The following PTPRO variants were observed in gnomAD, a reference collection of about 807,000 sequenced individuals.
The protein encoded by PTPRO is protein tyrosine phosphatase receptor type O.
PTPRO carries 62 observed loss-of-function variants against 145.2 expected under a neutral mutation model. That is an observed-to-expected ratio of 0.43 (90% CI 0.35 to 0.53). PTPRO has a LOEUF of 0.53. PTPRO is among the 20% of genes least tolerant of loss of function. PTPRO has a pLI of 0.01. For missense variants in PTPRO, 1,345 were observed against 1,482.7 expected (o/e 0.91, Z 1.53); for synonymous variants, 565 against 514.7 (o/e 1.10, Z -1.32).
At chr12:15,481,103 A>G (rs1427922056) in intron 1 of PTPRO, among the ~76,000 whole-genome samples, 1 of 152,196 alleles carries the variant, frequency 6.6e-6, no homozygotes, top group Non-Finnish European at 1.5e-5. Flanking sequence ...CAGCACATTA[A>G]ATACCTTTTC....
intron 1 of PTPRO, among the ~76,000 whole-genome samples, chr12:15,417,325 G>T (rs1452669132): frequency 6.6e-6 from 1 of 151,762 alleles, no homozygotes; most frequent in Non-Finnish European, 1.5e-5. Flanking sequence ...TCTGTATAAG[G>T]TATCAAGACA....
chr12:15,365,707 T>C (rs1233901707), intron 1 of PTPRO, among the ~76,000 whole-genome samples: 1 of 152,170 alleles, frequency 6.6e-6, no homozygotes, highest in Non-Finnish European at 1.5e-5. Context: ...CTTTCTTCAT[T>C]CTGTCTACAA....
intron 14 of PTPRO, 36 bp downstream of exon 14, chr12:15,549,262 T>A (rs747624378): frequency 2.7e-6 from 4 of 1,493,556 alleles, no homozygotes; most frequent in East Asian, 4.6e-5. Flanking sequence ...TTTCTCACTT[T>A]TTTTGAATAT....
At chr12:15,516,433 AAAGAGAGTGAGAAAG>A (rs142784372) in intron 8 of PTPRO, among the ~76,000 whole-genome samples, 40,667 of 143,802 alleles carry the variant, frequency 0.28, 5,454 homozygotes, top group Middle Eastern at 0.39. Flanking sequence ...AAAAAGTGAG[AAAGAGAGTGAGAAAG>A]AAGAGAGTGA....
At chr12:15,384,288 G>A (rs1938954195) in intron 1 of PTPRO, among the ~76,000 whole-genome samples, 1 of 152,034 alleles carries the variant, frequency 6.6e-6, no homozygotes, top group Non-Finnish European at 1.5e-5. Flanking sequence ...TGGGATTGCT[G>A]GATTATTATA....
chr12:15,552,431 T>A (rs536027158), intron 15 of PTPRO, among the ~76,000 whole-genome samples: 1 of 152,338 alleles, frequency 6.6e-6, no homozygotes, highest in African/African-American at 2.4e-5. Flanking sequence ...AACATTCTTC[T>A]CCTGTCTCAG....
chr12:15,370,771 T>C (rs1938503255), intron 1 of PTPRO, among the ~76,000 whole-genome samples: 1 of 152,118 alleles, frequency 6.6e-6, no homozygotes, highest in Non-Finnish European at 1.5e-5. Context: ...CACTAAGGAA[T>C]CTAACCTGAA....
intron 1 of PTPRO, among the ~76,000 whole-genome samples, chr12:15,435,944 G>A (rs1295744476): frequency 2.0e-5 from 3 of 151,942 alleles, no homozygotes; most frequent in Non-Finnish European, 1.5e-5. Flanking sequence ...TGTGGCAAAG[G>A]ATCAAGATTT....
At chr12:15,520,765 A>G (rs1312603725) in intron 10 of PTPRO, among the ~76,000 whole-genome samples, 1 of 152,296 alleles carries the variant, frequency 6.6e-6, no homozygotes, top group East Asian at 1.9e-4. Context: ...GGGTTTAGAG[A>G]CAGGTAGATC....
At chr12:15,567,287 C>G (rs946996159) in intron 18 of PTPRO, among the ~76,000 whole-genome samples, 6 of 152,084 alleles carry the variant, frequency 3.9e-5, no homozygotes, top group African/African-American at 1.4e-4. Context: ...TACCATTTCT[C>G]TTTCCCTCCA....
intron 1 of PTPRO, among the ~76,000 whole-genome samples, chr12:15,442,037 A>T (rs1464402290): frequency 1.3e-5 from 2 of 152,136 alleles, no homozygotes; most frequent in Non-Finnish European, 2.9e-5. Context: ...CCTGGCAAAG[A>T]CACAATGAAA....
chr12:15,442,161 T>C (rs896718486), intron 1 of PTPRO, among the ~76,000 whole-genome samples: 1 of 152,180 alleles, frequency 6.6e-6, no homozygotes, highest in Non-Finnish European at 1.5e-5. Flanking sequence ...CATGATCAAG[T>C]AGACTTCATT....
intron 8 of PTPRO, 75 bp downstream of exon 8, chr12:15,515,693 CA>C: frequency 6.3e-7 from 1 of 1,576,986 alleles, no homozygotes; most frequent in African/African-American, 1.3e-5. Flanking sequence ...TGTGCGAGCT[CA>C]AATCATTATC....
At chr12:15,385,604 G>A (rs1409258078) in intron 1 of PTPRO, among the ~76,000 whole-genome samples, 2 of 152,090 alleles carry the variant, frequency 1.3e-5, no homozygotes, top group Non-Finnish European at 1.5e-5. Context: ...CTGAGGTCAG[G>A]AGATCGAGAC....
At position 15,524,001 on chromosome 12, in the gene PTPRO, G is replaced by T. The variant is rs563346622; in HGVS notation, c.1892-813G>T. Among the ~76,000 whole-genome samples, 96 of 151,862 alleles carry T rather than the reference G, an allele frequency of 6.3e-4. No homozygotes were observed. The South Asian group carries it at 0.02, about 31-fold the overall frequency. On this transcript the variant is annotated intron_variant, in intron 10 of 26. Transcript: ENST00000281171. ...TTTTGTAGAGATGGGGTTTTGCTATGTTGCACAGGCTGGTCTTGAACTGGA... is the reference window on the plus strand; with the variant it reads ...TTTTGTAGAGATGGGGTTTTGCTATTTTGCACAGGCTGGTCTTGAACTGGA...
At chr12:15,370,902 A>C (rs1938508040) in intron 1 of PTPRO, among the ~76,000 whole-genome samples, 1 of 152,212 alleles carries the variant, frequency 6.6e-6, no homozygotes, top group African/African-American at 2.4e-5. Flanking sequence ...AATTTCCAAC[A>C]ATCAGAGATT....
intron 2 of PTPRO, among the ~76,000 whole-genome samples, chr12:15,487,175 G>A (rs373693718): frequency 1.3e-5 from 2 of 152,138 alleles, no homozygotes; most frequent in Non-Finnish European, 2.9e-5. Context: ...TCGTGGTCCA[G>A]CCTCAGGCTT....
intron 1 of PTPRO, among the ~76,000 whole-genome samples, chr12:15,468,864 G>A (rs1009859163): frequency 3.3e-5 from 5 of 152,060 alleles, no homozygotes; most frequent in African/African-American, 1.2e-4. Context: ...GCCTATATAG[G>A]GATCAGTCTT....
chr12:15,503,033 A>C (rs1017678411), intron 5 of PTPRO, among the ~76,000 whole-genome samples: 2 of 152,186 alleles, frequency 1.3e-5, no homozygotes, highest in South Asian at 4.1e-4. Flanking sequence ...GCATTCAACC[A>C]TACCCAAATA....
Sources: gnomAD v4.1 joint callset for allele counts (sites outside exome capture counted in the v4.1 genomes callset) on GRCh38, gnomAD v4.1.1 for gene constraint, MANE v1.5 for transcripts, NCBI Gene and HGNC (gene_info 2026-07-23, HGNC 2026-07-21) for gene names.